Variants in PCDHGA6 observed in about 807,000 individuals in gnomAD.
The protein encoded by PCDHGA6 is protocadherin gamma subfamily A, 6.
Under a neutral mutation model 60.6 loss-of-function variants are expected in PCDHGA6, and 41 were observed. That is an observed-to-expected ratio of 0.68 (90% CI 0.53 to 0.88). PCDHGA6 has a LOEUF of 0.88. Among genes scored for constraint, PCDHGA6 ranks in the 40% least tolerant of loss-of-function variants. The probability of loss-of-function intolerance (pLI) is 0.00; values close to 1 mark genes in which losing one functional copy is unlikely to be tolerated. For synonymous variants in PCDHGA6, 594 were observed against 524.4 expected, an observed-to-expected ratio of 1.13 and a Z score of -1.81; for missense variants, 1,312 against 1,203.0, an observed-to-expected ratio of 1.09 and a Z score of -1.34.
chr5:141,415,893 A>G, intron 1 of PCDHGA6: 2 of 904,826 alleles, frequency 2.2e-6, no homozygotes, highest in Non-Finnish European at 3.0e-6. Flanking sequence ...GACAATTCCT[A>G]AGACAGACTT....
Position 141,491,140 on chromosome 5 carries a change from T to A in PCDHGA6, c.2425-3667T>A, listed in dbSNP as rs1392575961. On this transcript the variant is annotated intron_variant, in intron 1 of 3. Coordinates refer to ENST00000517434, the MANE Select transcript of PCDHGA6 (RefSeq NM_018919.3). This position sits in a 1 kb window ranked among gnomAD's most constrained non-coding sequence, Gnocchi z 6.9. ...TGGTGAGGTGCGCACAGCCCGGGCC[T>A]TACTGGAGGATGACTCTGACACCCA... 2 of 1,614,110 alleles carry A rather than the reference T, an allele frequency of 1.2e-6. No individual in the cohort carries two copies. Among genetic ancestry groups the A allele is most frequent in the Non-Finnish European group, 1.7e-6 (2 of 1,179,992 alleles).
At position 141,489,749 on chromosome 5, in the gene PCDHGA6, AC is replaced by A; in HGVS notation, c.2425-5057del. ...GTGGGCACCAATACTGTGAGCTTTT[AC>A]ACTCTAAGCCCCAACAGCCACTTCT... is the stretch of plus-strand genomic sequence containing the variant. On this transcript the variant is annotated intron_variant, in intron 1 of 3. Transcript: ENST00000517434. The surrounding 1 kb of genome is among the most constrained non-coding windows in gnomAD (Gnocchi z 4.5). 6.2e-7 allele frequency: 1 copy of A among 1,614,126 alleles called. No individual in the cohort carries two copies. Among genetic ancestry groups the A allele is most frequent in the Non-Finnish European group, 8.5e-7 (1 of 1,180,002 alleles).
chr5:141,380,370 G>T (rs1427266285), intron 1 of PCDHGA6, among the ~76,000 whole-genome samples: 2 of 152,084 alleles, frequency 1.3e-5, no homozygotes, highest in Admixed American at 1.3e-4. Context: ...AGAAAAAAAA[G>T]TCCCAAAAAA....
At chr5:141,466,709 T>C (rs2099127779) in intron 1 of PCDHGA6, among the ~76,000 whole-genome samples, 1 of 152,212 alleles carries the variant, frequency 6.6e-6, no homozygotes, top group Non-Finnish European at 1.5e-5. Flanking sequence ...TGATGTCTGT[T>C]CTTGTTTCCA....
chr5:141,403,490 C>T, intron 1 of PCDHGA6: 1 of 1,614,044 alleles, frequency 6.2e-7, no homozygotes, highest in South Asian at 1.1e-5. Flanking sequence ...CCACTTCTCC[C>T]TGAACGTGCA....
In PCDHGA6 at chr5:141,490,647, G is replaced by T; in HGVS notation, c.2425-4160G>T. 6.2e-7 allele frequency: 1 copy of T among 1,614,084 alleles called. No homozygotes were observed. Among genetic ancestry groups the T allele is most frequent in the Non-Finnish European group, 8.5e-7 (1 of 1,180,014 alleles). ...CTTACATCCTAGAAAACCGGCCTCCGGGCTCCCTTCTTTGCACTGTGGCTG... is the reference window on the plus strand; with the variant it reads ...CTTACATCCTAGAAAACCGGCCTCCTGGCTCCCTTCTTTGCACTGTGGCTG... On this transcript the variant is annotated intron_variant, in intron 1 of 3. Transcript: ENST00000517434. This position sits in a 1 kb window ranked among gnomAD's most constrained non-coding sequence, Gnocchi z 5.4.
chr5:141,511,135 G>A lies in PCDHGA6; in HGVS notation c.2761G>A (p.Gly921Ser), dbSNP rs200541479. Residue 921 changes from glycine to serine, a missense_variant, in exon 4 of 4, where the codon GGC becomes AGC. Physicochemically the swap from Gly to Ser is moderately conservative, Grantham distance 56. Coordinates refer to ENST00000517434, the MANE Select transcript of PCDHGA6 (RefSeq NM_018919.3). The stretch of plus-strand genomic sequence containing the variant: ...TGGCAAGGCCCCAGCAGGTGGCAAT[G>A]GCAACAAGAAGAAGTCGGGCAAGAA... ...RDGKAPAGGN[G>S]NKKKSGKKEK... 2.8e-4 allele frequency: 448 copies of A among 1,614,188 alleles called. No homozygotes were observed. Among genetic ancestry groups the A allele is most frequent in the Non-Finnish European group, 3.0e-4 (352 of 1,180,016 alleles).
chr5:141,399,546 G>A, intron 1 of PCDHGA6: 1 of 1,614,032 alleles, frequency 6.2e-7, no homozygotes, highest in Non-Finnish European at 8.5e-7. Context: ...TCTGCGCCTC[G>A]GACCTGGACT....
intron 1 of PCDHGA6, chr5:141,410,075 GAGGTGCGCAC>G: frequency 6.2e-7 from 1 of 1,612,898 alleles, no homozygotes; most frequent in East Asian, 2.2e-5. Context: ...GCGCACTGGG[GAGGTGCGCAC>G]GGCTCGAGCC....
chr5:141,425,207 G>A lies in PCDHGA6; in HGVS notation c.2424+48700G>A, dbSNP rs546494803. 1.8e-3 allele frequency among the ~76,000 whole-genome samples: 281 copies of A among 152,238 alleles called. 1 individual carries two copies. The highest frequency in any genetic ancestry group is 6.6e-3 in the African/African-American group (274 of 41,534). ...TCCAAACTGAGAAAAATGATGTAAG[G>A]CATTGTACTTTGACTGGAATTAGTT... On this transcript the variant is annotated intron_variant, in intron 1 of 3. Coordinates refer to ENST00000517434, the MANE Select transcript of PCDHGA6 (RefSeq NM_018919.3).
rs1422312768 is a variant in PCDHGA6, at chr5:141,374,728, GGATGGCGGCGACCCT to G, written c.647_661del (p.Asp216_Pro220del). 1 of 1,610,428 alleles carries G rather than the reference GGATGGCGGCGACCCT, an allele frequency of 6.2e-7. No individual in the cohort carries two copies. The highest frequency in any genetic ancestry group is 1.7e-5 in the Admixed American group (1 of 59,240). ...TTTACCGCCTGGTCCTTACTGCCAT[GGATGGCGGCGACCCT>G]GTCCGCTCAAGCGTCGCCCAAATTC... On this transcript the variant is annotated inframe_deletion, in exon 1 of 4. Coordinates refer to ENST00000517434, the MANE Select transcript of PCDHGA6 (RefSeq NM_018919.3).
chr5:141,421,309 C>T (rs781110850), intron 1 of PCDHGA6: 9 of 1,613,516 alleles, frequency 5.6e-6, no homozygotes, highest in Admixed American at 1.7e-5. Context: ...GCGGGGGTTC[C>T]GGGCCAGGCA....
chr5:141,403,127 C>G, intron 1 of PCDHGA6: 1 of 1,614,062 alleles, frequency 6.2e-7, no homozygotes, highest in Non-Finnish European at 8.5e-7. Context: ...GCCCCGGGAG[C>G]TGGCGGAGCG....
intron 1 of PCDHGA6, chr5:141,414,845 T>C: frequency 1.2e-6 from 2 of 1,614,218 alleles, no homozygotes; most frequent in South Asian, 1.1e-5. Flanking sequence ...CTGTTTGTGC[T>C]GGACCAGAAC....
chr5:141,409,522 G>A (rs371017853), intron 1 of PCDHGA6: 30 of 1,613,874 alleles, frequency 1.9e-5, no homozygotes, highest in Non-Finnish European at 2.3e-5. Flanking sequence ...GCATCACCTT[G>A]TATGTCGCTG....
At position 141,510,984 on chromosome 5, in the gene PCDHGA6, C is replaced by A. The variant is rs375865663; in HGVS notation, c.2610C>A (p.Ala870=). 6.2e-7 allele frequency: 1 copy of A among 1,614,162 alleles called. No individual in the cohort carries two copies. The highest frequency in any genetic ancestry group is 8.5e-7 in the Non-Finnish European group (1 of 1,180,012). The part of the protein sequence containing the change: ...ADGSSTLGGG[A]GTMGLSARYG... The stretch of plus-strand genomic sequence containing the variant: ...GGAGCTCCACCCTGGGAGGGGGTGC[C>A]GGCACCATGGGATTGAGCGCCCGCT... Residue 870 remains alanine, a synonymous_variant, in exon 4 of 4, where the codon GCC becomes GCA. Coordinates refer to ENST00000517434, the MANE Select transcript of PCDHGA6 (RefSeq NM_018919.3).
At chr5:141,434,830 C>A (rs7703679) in intron 1 of PCDHGA6, among the ~76,000 whole-genome samples, 45,467 of 151,546 alleles carry the variant, frequency 0.3, 8,050 homozygotes, top group African/African-American at 0.5. Flanking sequence ...GTACACTTGG[C>A]ATTTATAAAG....
chr5:141,413,981 C>A (rs563161887), intron 1 of PCDHGA6: 1 of 1,613,452 alleles, frequency 6.2e-7, no homozygotes, highest in Admixed American at 1.7e-5. Context: ...CTGACAGTCA[C>A]AGCCACCGAC....
At chr5:141,507,450 CAGAG>C (rs940460926) in intron 3 of PCDHGA6, among the ~76,000 whole-genome samples, 1 of 152,170 alleles carries the variant, frequency 6.6e-6, no homozygotes, top group African/African-American at 2.4e-5. Flanking sequence ...GACGGAAGGA[CAGAG>C]AGAGAGGTGG....
Sources: gnomAD v4.1 joint callset for allele counts (sites outside exome capture counted in the v4.1 genomes callset) on GRCh38, gnomAD v4.1.1 for gene constraint, Gnocchi (gnomAD v3.1) non-coding constraint, MANE v1.5 for transcripts, NCBI Gene and HGNC (gene_info 2026-07-23, HGNC 2026-07-21) for gene names.